CPA6: variants seen among roughly 807,000 people sequenced by gnomAD.
The protein encoded by CPA6 is carboxypeptidase A6, also known as carboxypeptidase B.
In CPA6, 58 loss-of-function variants were observed where a neutral mutation model predicts 63.3. The ratio of observed to expected loss-of-function variants is 0.92; its 90% confidence interval spans 0.74 to 1.14. The LOEUF (loss-of-function observed/expected upper bound fraction) is 1.14. Among genes scored for constraint, CPA6 ranks in the 50% most tolerant of loss-of-function variants. The pLI, the probability that CPA6 is intolerant of heterozygous loss-of-function variation, is 0.00. For missense variants in CPA6, 565 were observed against 526.6 expected (o/e 1.07, Z -0.71); for synonymous variants, 185 against 179.0 (o/e 1.03, Z -0.27).
intron 1 of CPA6, among the ~76,000 whole-genome samples, chr8:67,738,316 G>C (rs79403462): frequency 0.016 from 2,489 of 152,294 alleles, 70 homozygotes; most frequent in African/African-American, 0.057. Flanking sequence ...TTACAGGAGA[G>C]TGACTTTTCT....
intron 1 of CPA6, among the ~76,000 whole-genome samples, chr8:67,715,592 G>A (rs552210486): frequency 3.3e-5 from 5 of 152,254 alleles, no homozygotes; most frequent in South Asian, 2.1e-4. Flanking sequence ...AAAAACACTC[G>A]GTTATTTCCA....
At chr8:67,594,089 A>G (rs1428098068) in intron 2 of CPA6, among the ~76,000 whole-genome samples, 1 of 151,826 alleles carries the variant, frequency 6.6e-6, no homozygotes, top group Non-Finnish European at 1.5e-5. Flanking sequence ...GTGGTGACAA[A>G]ATCTCTCAGC....
intron 1 of CPA6, among the ~76,000 whole-genome samples, chr8:67,712,289 G>C (rs1056554573): frequency 1.3e-5 from 2 of 152,196 alleles, no homozygotes; most frequent in African/African-American, 2.4e-5. Flanking sequence ...AGAACCACCA[G>C]ATCAATTTGT....
chr8:67,475,828 TTTCTTTCTTTCTTTCTTTC>T (rs1811184976), intron 8 of CPA6, among the ~76,000 whole-genome samples: 2 of 52,558 alleles, frequency 3.8e-5, no homozygotes, highest in African/African-American at 1.6e-4. Context: ...CTTTCTTTTC[TTTCTTTCTTTCTTTCTTTC>T]TTTCTTTCTT....
At chr8:67,451,740 T>C (rs990170607) in intron 8 of CPA6, among the ~76,000 whole-genome samples, 8 of 152,152 alleles carry the variant, frequency 5.3e-5, no homozygotes, top group Non-Finnish European at 1.2e-4. Flanking sequence ...TATGGAAGGC[T>C]GAGGACACAC....
At chr8:67,692,336 A>G (rs1816830660) in intron 1 of CPA6, among the ~76,000 whole-genome samples, 1 of 150,570 alleles carries the variant, frequency 6.6e-6, no homozygotes, top group Non-Finnish European at 1.5e-5. Context: ...CTCAAAAAAA[A>G]AAAAAAAAAA....
At chr8:67,511,969 A>G (rs534563479) in intron 3 of CPA6, among the ~76,000 whole-genome samples, 1 of 152,304 alleles carries the variant, frequency 6.6e-6, no homozygotes, top group East Asian at 1.9e-4. Context: ...AGTACTACTT[A>G]CCTACCAGCA....
intron 1 of CPA6, among the ~76,000 whole-genome samples, chr8:67,721,548 T>C (rs1817499681): frequency 6.6e-6 from 1 of 152,194 alleles, no homozygotes; most frequent in Non-Finnish European, 1.5e-5. Flanking sequence ...ATATGCATTG[T>C]AGCTGGACAC....
intron 8 of CPA6, among the ~76,000 whole-genome samples, chr8:67,455,559 G>A (rs1022711031): frequency 5.1e-5 from 7 of 137,012 alleles, no homozygotes; most frequent in Non-Finnish European, 9.1e-5. Flanking sequence ...GTGTAGCATA[G>A]AAAAAAAAAG....
chr8:67,594,464 T>C (rs984205725), intron 2 of CPA6, among the ~76,000 whole-genome samples: 17 of 152,194 alleles, frequency 1.1e-4, no homozygotes, highest in Non-Finnish European at 2.4e-4. Flanking sequence ...TCCTGGATAA[T>C]ATCCTGCAGA....
At chr8:67,509,454 A>C (rs756608471) in intron 5 of CPA6, 63 bp downstream of exon 5, 1 of 778,106 alleles carries the variant, frequency 1.3e-6, no homozygotes, top group Non-Finnish European at 2.2e-6. Flanking sequence ...CCATAGGTTA[A>C]AGTTGAAAAA....
chr8:67,566,171 G>A (rs767949371), intron 2 of CPA6, among the ~76,000 whole-genome samples: 16 of 152,150 alleles, frequency 1.1e-4, no homozygotes, highest in South Asian at 2.1e-4. Context: ...TCCCATTGTC[G>A]TTTCAATAGT....
At chr8:67,503,568 G>T (rs555862648) in intron 6 of CPA6, among the ~76,000 whole-genome samples, 3 of 149,168 alleles carry the variant, frequency 2.0e-5, no homozygotes. Context: ...TCGGCCTCCC[G>T]AAGTGCTGGG....
At chr8:67,614,668 A>G (rs1814898332) in intron 2 of CPA6, among the ~76,000 whole-genome samples, 1 of 152,198 alleles carries the variant, frequency 6.6e-6, no homozygotes, top group Non-Finnish European at 1.5e-5. Flanking sequence ...CAGTGTGTGT[A>G]GAAACATGTT....
chr8:67,441,043 G>A (rs1187161192), intron 8 of CPA6, among the ~76,000 whole-genome samples: 1 of 152,080 alleles, frequency 6.6e-6, no homozygotes, highest in Non-Finnish European at 1.5e-5. Context: ...AATTTGGGGG[G>A]AACAAAATCC....
intron 2 of CPA6, among the ~76,000 whole-genome samples, chr8:67,563,486 GGAAAGCACAGCTCT>G (rs982852331): frequency 6.6e-6 from 1 of 152,100 alleles, no homozygotes; most frequent in African/African-American, 2.4e-5. Flanking sequence ...ACAGAACATG[GGAAAGCACAGCTCT>G]GAAATTCTTT....
intron 8 of CPA6, 96 bp downstream of exon 8, chr8:67,483,672 A>G (rs1463841172): frequency 1.0e-6 from 1 of 971,882 alleles, no homozygotes. Context: ...ATACAGAAAA[A>G]CATGAGTCTC....
intron 8 of CPA6, among the ~76,000 whole-genome samples, chr8:67,474,988 T>C (rs745475917): frequency 6.6e-6 from 1 of 152,116 alleles, no homozygotes; most frequent in Admixed American, 6.5e-5. Flanking sequence ...AGCTAGATCC[T>C]ATCTTAAAAA....
chr8:67,644,413 C>A (rs915229151), intron 1 of CPA6, among the ~76,000 whole-genome samples: 3 of 152,182 alleles, frequency 2.0e-5, no homozygotes, highest in Non-Finnish European at 4.4e-5. Flanking sequence ...CCACCATGCC[C>A]GGCCATTATG....
Sources: gnomAD v4.1 joint callset for allele counts (sites outside exome capture counted in the v4.1 genomes callset) on GRCh38, gnomAD v4.1.1 for gene constraint, MANE v1.5 for transcripts, NCBI Gene and HGNC (gene_info 2026-07-23, HGNC 2026-07-21) for gene names.